SLC22A5: variants seen among roughly 807,000 people sequenced by gnomAD.
SLC22A5 encodes organic cation/carnitine transporter 2.
SLC22A5 carries 44 observed loss-of-function variants against 56.7 expected under a neutral mutation model. That is an observed-to-expected ratio of 0.78 (90% confidence interval 0.61 to 1.00). The LOEUF (loss-of-function observed/expected upper bound fraction) is 1.00. SLC22A5 is among the 50% of genes least tolerant of loss of function. The pLI is 0.00. For missense variants in SLC22A5, 675 were observed against 723.0 expected (o/e 0.93, Z 0.76); for synonymous variants, 278 against 292.1 (o/e 0.95, Z 0.49).
At position 132,374,251 on chromosome 5, in the gene SLC22A5, C is replaced by T. The variant is rs144857185; in HGVS notation, c.393+3886C>T. Among the ~76,000 whole-genome samples, 9 of 152,108 alleles carry T rather than the reference C, an allele frequency of 5.9e-5. No homozygotes were observed. The East Asian group carries it at 1.7e-3, about 29-fold the overall frequency. On this transcript the variant is annotated intron_variant, in intron 1 of 9. Coordinates refer to ENST00000245407, the MANE Select transcript of SLC22A5 (RefSeq NM_003060.4). ...AAAAAAGAAAAAGAAAAGAAACTTC[C>T]AAGCTGCTCTGCATCGCCTTGCTCT...
chr5:132,369,750 T>C lies in SLC22A5; in HGVS notation c.-223T>C, dbSNP rs1268134549. Reference sequence around the variant, plus strand: ...GCTCTGCCTGCCAGCGGGGCGCGCCTTGCGGCCCAGGCCCGCAACCTTCCC... The same window carrying C: ...GCTCTGCCTGCCAGCGGGGCGCGCCCTGCGGCCCAGGCCCGCAACCTTCCC... On this transcript the variant is annotated 5_prime_UTR_variant, in exon 1 of 10. Coordinates refer to ENST00000245407, the MANE Select transcript of SLC22A5 (RefSeq NM_003060.4). 2 of 498,272 alleles carry C rather than the reference T, an allele frequency of 4.0e-6. No homozygotes were observed. Among genetic ancestry groups the C allele is most frequent in the East Asian group, 7.1e-5 (2 of 28,144 alleles). The allele number at this position is 498,272 out of a possible 1,614,324, so 30.9% of individuals were successfully genotyped here.
In SLC22A5 at chr5:132,369,854, C is replaced by G; in HGVS notation, c.-119C>G. ...AGCTCGCGAGCCTACCCTCCGCGGACGGTCTTGGGTCGCCTGCTGCCTGGC... is the reference window on the plus strand; with the variant it reads ...AGCTCGCGAGCCTACCCTCCGCGGAGGGTCTTGGGTCGCCTGCTGCCTGGC... On this transcript the variant is annotated 5_prime_UTR_variant, in exon 1 of 10. Transcript: ENST00000245407. 7.6e-7 allele frequency: 1 copy of G among 1,318,102 alleles called. No individual in the cohort carries two copies. Among genetic ancestry groups the G allele is most frequent in the Non-Finnish European group, 1.0e-6 (1 of 987,764 alleles). The allele number at this position is 1,318,102 out of a possible 1,614,324, so 81.7% of individuals were successfully genotyped here.
rs759420042 is a variant in SLC22A5, at chr5:132,370,000, T to C, written c.28T>C (p.Phe10Leu). 6 of 1,613,240 alleles carry C rather than the reference T, an allele frequency of 3.7e-6. No homozygotes were observed. The highest frequency in any genetic ancestry group is 1.7e-4 in the Middle Eastern group (1 of 6,058). MRDYDEVTA[F>L]LGEWGPFQRL... ...GCGGGACTACGACGAGGTGACCGCC[T>C]TCCTGGGCGAGTGGGGGCCCTTCCA... The change falls in exon 1 of 10, where the codon TTC becomes CTC. Residue 10 changes from phenylalanine (F) to leucine (L), a missense_variant. Transcript: ENST00000245407.
chr5:132,390,709 T>A lies in SLC22A5; in HGVS notation c.1072T>A (p.Tyr358Asn), dbSNP rs61731073. The change falls in exon 7 of 10, where the codon TAT (tyrosine) becomes AAT (asparagine). Residue 358 changes from tyrosine (Y) to asparagine (N), a missense_variant. Tyr to Asn is a moderately radical substitution (Grantham distance 143). Transcript: ENST00000245407. ...TTTCAGGATGACCATATCAGTGGGC[T>A]ATTTTGGGCTTTCGCTTGATACTCC... ...IMLWMTISVG[Y>N]FGLSLDTPNL... The A allele has an allele frequency of 5.0e-6, 8 of 1,613,988 alleles. No individual in the cohort carries two copies. The African/African-American group carries it at 5.3e-5, about 11-fold the overall frequency.
chr5:132,384,319 G>C lies in SLC22A5; in HGVS notation c.652+18G>C. 6.2e-7 allele frequency: 1 copy of C among 1,612,250 alleles called. No individual in the cohort carries two copies. The highest frequency in any genetic ancestry group is 1.3e-5 in the African/African-American group (1 of 75,004). ...TGTCCTGGGTATGGCCATCAGGTTGGAGTTGAGTACTTGATCCTGTATTTC... is the reference window on the plus strand; with the variant it reads ...TGTCCTGGGTATGGCCATCAGGTTGCAGTTGAGTACTTGATCCTGTATTTC... On this transcript the variant is annotated intron_variant, in intron 3 of 9. Transcript: ENST00000245407.
At position 132,387,112 on chromosome 5, in the gene SLC22A5, T is replaced by A; in HGVS notation, c.912T>A (p.Asn304Lys). The A allele has an allele frequency of 6.2e-7, 1 of 1,614,162 alleles. No individual in the cohort carries two copies. Among genetic ancestry groups the A allele is most frequent in the East Asian group, 2.2e-5 (1 of 44,882 alleles). The stretch of plus-strand genomic sequence containing the variant: ...TCATCCGCAAGGCTGCCAAAGCCAA[T>A]GGGATTGTTGTGCCTTCCACTATCT... ...EVIIRKAAKA[N>K]GIVVPSTIFD... is the part of the protein sequence containing the mutation. The change falls in exon 5 of 10, where the codon AAT (asparagine) becomes AAA (lysine). Residue 304 changes from asparagine to lysine, a missense_variant. Asn to Lys is a moderately conservative substitution (Grantham distance 94, BLOSUM62 0). Coordinates refer to ENST00000245407, the MANE Select transcript of SLC22A5 (RefSeq NM_003060.4).
rs1038448180 is a variant in SLC22A5 at position 132,394,375 on chromosome 5, G to T, written c.*103G>T. 5 of 884,366 alleles carry T rather than the reference G, an allele frequency of 5.7e-6. No individual in the cohort carries two copies. Among genetic ancestry groups the T allele is most frequent in the Admixed American group, 3.4e-5 (2 of 58,462 alleles). 54.8% of individuals were successfully genotyped at this position (884,366 alleles called of 1,614,324 possible). A position where few individuals can be genotyped will look rare whatever the true frequency, so the allele number is the denominator to read the frequency against. On this transcript the variant is annotated 3_prime_UTR_variant, in exon 10 of 10. Transcript: ENST00000245407. ...CCTTCAGTGACAAAAGGCCTTTGCT[G>T]TTTGTCCTCTTGACCTGTGTCTGAC... is the stretch of plus-strand genomic sequence containing the variant.
In SLC22A5 at chr5:132,369,933, C is replaced by G; in HGVS notation, c.-40C>G. The stretch of plus-strand genomic sequence containing the variant: ...CGCACGCGCAAAGCCCGCCGCGTTC[C>G]CCGACCCCAGGCCGCGCTCTGTGGG... On this transcript the variant is annotated 5_prime_UTR_variant, in exon 1 of 10. Coordinates refer to ENST00000245407, the MANE Select transcript of SLC22A5 (RefSeq NM_003060.4). 1 of 1,608,264 alleles carries G rather than the reference C, an allele frequency of 6.2e-7. No individual in the cohort carries two copies. Among genetic ancestry groups the G allele is most frequent in the Non-Finnish European group, 8.5e-7 (1 of 1,177,936 alleles).
At position 132,377,980 on chromosome 5, in the gene SLC22A5, A is replaced by T. The variant is rs527425133; in HGVS notation, c.394-398A>T. The T allele has an allele frequency of 1.0e-4, 95 of 931,930 alleles. No individual in the cohort carries two copies. The African/African-American group carries it at 1.5e-3, about 15-fold the overall frequency. 57.7% of individuals were successfully genotyped at this position (931,930 alleles called of 1,614,324 possible). ...TAGAGCCCCAGAGCCCTGCTTCCAGAACCACTCCAGTGACGTTCATGCCAA... is the reference window on the plus strand; with the variant it reads ...TAGAGCCCCAGAGCCCTGCTTCCAGTACCACTCCAGTGACGTTCATGCCAA... On this transcript the variant is annotated intron_variant, in intron 1 of 9. Coordinates refer to ENST00000245407, the MANE Select transcript of SLC22A5 (RefSeq NM_003060.4).
chr5:132,370,018 C>T lies in SLC22A5; in HGVS notation c.46C>T (p.Pro16Ser). 6 of 1,613,358 alleles carry T rather than the reference C, an allele frequency of 3.7e-6. No individual in the cohort carries two copies. The highest frequency in any genetic ancestry group is 5.1e-6 in the Non-Finnish European group (6 of 1,179,708). Residue 16 changes from proline to serine, a missense_variant, in exon 1 of 10, where the codon CCC becomes TCC. By Grantham distance (74) the Pro-to-Ser change is moderately conservative. Coordinates refer to ENST00000245407, the MANE Select transcript of SLC22A5 (RefSeq NM_003060.4). The part of the protein sequence containing the change: ...EVTAFLGEWG[P>S]FQRLIFFLLS... The stretch of plus-strand genomic sequence containing the variant: ...GACCGCCTTCCTGGGCGAGTGGGGG[C>T]CCTTCCAGCGCCTCATCTTCTTCCT...
In SLC22A5 at chr5:132,392,564, T is replaced by C; in HGVS notation, c.1399T>C (p.Ser467Pro). The change falls in exon 8 of 10, where the codon TCC becomes CCC. Residue 467 changes from serine to proline, a missense_variant. Ser to Pro is a moderately conservative substitution (Grantham distance 74, BLOSUM62 -1). Transcript: ENST00000245407. ...VVRNMGVGVS[S>P]TASRLGSILS... ...GAGAAACATGGGTGTGGGAGTCAGC[T>C]CCACAGCATCCCGCCTGGGCAGCAT... The C allele has an allele frequency of 6.2e-7, 1 of 1,614,214 alleles. No homozygotes were observed. The highest frequency in any genetic ancestry group is 8.5e-7 in the Non-Finnish European group (1 of 1,180,046).
At chr5:132,394,112 T>A in intron 9 of SLC22A5, 73 bp from the exon 10 acceptor site, 1 of 1,007,226 alleles carries the variant, frequency 9.9e-7, no homozygotes, top group Non-Finnish European at 1.6e-6. Context: ...ATATCCTCAG[T>A]TCTTGTTTGT....
chr5:132,373,259 C>T (rs891933340), intron 1 of SLC22A5, among the ~76,000 whole-genome samples: 3 of 152,198 alleles, frequency 2.0e-5, no homozygotes, highest in African/African-American at 7.2e-5. Flanking sequence ...ATGTGACTCC[C>T]CCTGCCCACT....
rs542523868 is a variant in SLC22A5 at position 132,394,574 on chromosome 5, A to T, written c.*302A>T. 2.2e-6 allele frequency: 1 copy of T among 460,196 alleles called. No homozygotes were observed. The highest frequency in any genetic ancestry group is 3.9e-5 in the East Asian group (1 of 25,524). 28.5% of individuals were successfully genotyped at this position (460,196 alleles called of 1,614,324 possible). ...TTTCACTAGAACCAGTGAGATCTGG[A>T]GGAATGTGAGAAGCATATGCTAAAT... On this transcript the variant is annotated 3_prime_UTR_variant, in exon 10 of 10. Transcript: ENST00000245407.
In SLC22A5 at chr5:132,369,733, T is replaced by A. The variant is rs1158829842; in HGVS notation, c.-240T>A. The A allele has an allele frequency of 2.1e-6, 1 of 472,646 alleles. No homozygotes were observed. Among genetic ancestry groups the A allele is most frequent in the African/African-American group, 2.1e-5 (1 of 48,702 alleles). The allele number at this position is 472,646 out of a possible 1,614,324, so 29.3% of individuals were successfully genotyped here. On this transcript the variant is annotated 5_prime_UTR_variant, in exon 1 of 10. Transcript: ENST00000245407. ...CCGCCTTCGCCGGCGCCGCTCTGCC[T>A]GCCAGCGGGGCGCGCCTTGCGGCCC... is the stretch of plus-strand genomic sequence containing the variant.
intron 2 of SLC22A5, chr5:132,380,694 C>G (rs1561568504): frequency 6.6e-6 from 1 of 152,140 alleles, no homozygotes; most frequent in African/African-American, 2.4e-5. Context: ...TGAAGGTACA[C>G]TTCTCTAAGA....
At chr5:132,373,622 C>G (rs997179416) in intron 1 of SLC22A5, among the ~76,000 whole-genome samples, 1 of 151,936 alleles carries the variant, frequency 6.6e-6, no homozygotes, top group Non-Finnish European at 1.5e-5. Flanking sequence ...GGCGACAAAG[C>G]GAGACTCCAT....
intron 5 of SLC22A5, chr5:132,387,760 A>G (rs1752583045): frequency 6.1e-6 from 1 of 163,722 alleles, no homozygotes; most frequent in Non-Finnish European, 1.4e-5. Context: ...ACACACCATG[A>G]CTCATTTCTT....
Position 132,387,062 on chromosome 5 carries a change from G to A in SLC22A5, c.862G>A (p.Gly288Arg), listed in dbSNP as rs1157376048. The change falls in exon 5 of 10, where the codon GGA becomes AGA. Residue 288 changes from glycine to arginine, a missense_variant. Coordinates refer to ENST00000245407, the MANE Select transcript of SLC22A5 (RefSeq NM_003060.4). ...GTCCCCCCGATGGCTCATCTCTCAG[G>A]GACGATTTGAAGAGGCAGAGGTGAT... is the stretch of plus-strand genomic sequence containing the variant. ...PESPRWLISQ[G>R]RFEEAEVIIR... 6.2e-7 allele frequency: 1 copy of A among 1,614,142 alleles called. No homozygotes were observed. Among genetic ancestry groups the A allele is most frequent in the South Asian group, 1.1e-5 (1 of 91,086 alleles).
Sources: allele counts gnomAD v4.1 joint callset (sites outside exome capture counted in the v4.1 genomes callset), GRCh38; gene constraint gnomAD v4.1.1; transcripts MANE v1.5; gene names NCBI Gene and HGNC (gene_info 2026-07-23, HGNC 2026-07-21).